The following KLHL8 variants were observed in gnomAD, a reference collection of about 807,000 sequenced individuals.
KLHL8 encodes the protein kelch-like protein 8.
In KLHL8, 38 loss-of-function variants were observed where a neutral mutation model predicts 63.5. The ratio of observed to expected loss-of-function variants is 0.60; its 90% CI spans 0.46 to 0.78. The LOEUF (loss-of-function observed/expected upper bound fraction) is 0.78, where lower values mean the gene tolerates loss of function less well. Among genes scored for constraint, KLHL8 ranks in the 30% least tolerant of loss-of-function variants. KLHL8 has a pLI of 0.00. For missense variants in KLHL8, 566 were observed against 752.4 expected (o/e 0.75, Z 2.90); for synonymous variants, 224 against 254.3 (o/e 0.88, Z 1.13).
In KLHL8 at chr4:87,170,581, T is replaced by C. The variant is rs777168344; in HGVS notation, c.1243A>G (p.Ile415Val). The C allele has an allele frequency of 8.1e-6, 13 of 1,613,456 alleles. No homozygotes were observed. Among genetic ancestry groups the C allele is most frequent in the East Asian group, 4.5e-5 (2 of 44,864 alleles). The change falls in exon 7 of 10, where the codon ATT (isoleucine) becomes GTT (valine). Residue 415 changes from isoleucine (I) to valine (V), a missense_variant. Physicochemically the swap from Ile to Val is conservative, Grantham distance 29. Coordinates refer to ENST00000273963, the MANE Select transcript of KLHL8 (RefSeq NM_020803.5). Reference sequence around the variant, plus strand: ...TCATCTAACCCTCCAATTGCATAAATTGGGCCTCCTAAGGAAGCCAAGGCA... The same window carrying C: ...TCATCTAACCCTCCAATTGCATAAACTGGGCCTCCTAAGGAAGCCAAGGCA... ...GIALASLGGP[I>V]YAIGGLDDNT...
chr4:87,169,273 C>G (rs1730543850), intron 8 of KLHL8, among the ~76,000 whole-genome samples: 1 of 152,050 alleles, frequency 6.6e-6, no homozygotes, highest in Admixed American at 6.6e-5. Flanking sequence ...CCACTGCACT[C>G]CAGCCTGGGT....
rs1001085348 is a variant in KLHL8, at chr4:87,186,390, A to G, written c.217-591T>C. 3.3e-5 allele frequency among the ~76,000 whole-genome samples: 5 copies of G among 151,098 alleles called. No homozygotes were observed. In the East Asian group the frequency reaches 9.8e-4, roughly 29 times the overall value. ...TGTAACATACACACAACAAACCATG[A>G]TTTTCTATGTTATATTTCAGGGACA... is the stretch of plus-strand genomic sequence containing the variant. On this transcript the variant is annotated intron_variant, in intron 2 of 9. Transcript: ENST00000273963.
chr4:87,170,980 A>G (rs1045199877), intron 6 of KLHL8, among the ~76,000 whole-genome samples: 2 of 152,220 alleles, frequency 1.3e-5, no homozygotes, highest in Non-Finnish European at 2.9e-5. Flanking sequence ...TCTGCAGCGG[A>G]GGTCAGAAGC....
In KLHL8 at chr4:87,210,699, T is replaced by G. The variant is rs138081224; in HGVS notation, c.-152+9719A>C. 7.9e-4 allele frequency among the ~76,000 whole-genome samples: 121 copies of G among 152,268 alleles called. 3 individuals carry two copies. In the East Asian group the frequency reaches 0.02, roughly 25 times the overall value. The stretch of plus-strand genomic sequence containing the variant: ...ACCCCATGTTCCATAGAGCAAAACC[T>G]GAATGTGTTTAATTTTCCACATACT... On this transcript the variant is annotated intron_variant, in intron 1 of 9. Coordinates refer to ENST00000273963, the MANE Select transcript of KLHL8 (RefSeq NM_020803.5).
chr4:87,207,661 G>A (rs1732192970), intron 1 of KLHL8: 8 of 1,157,966 alleles, frequency 6.9e-6, no homozygotes, highest in South Asian at 2.5e-5. Context: ...TGGCCCCTCT[G>A]GGAAACTGTG....
chr4:87,171,976 C>T (rs961552512), intron 6 of KLHL8, among the ~76,000 whole-genome samples: 6 of 152,204 alleles, frequency 3.9e-5, no homozygotes, highest in African/African-American at 1.2e-4. Flanking sequence ...ATGAAACTCA[C>T]TGCCCACCTC....
intron 1 of KLHL8, among the ~76,000 whole-genome samples, chr4:87,203,350 A>C (rs1379299043): frequency 6.6e-6 from 1 of 152,116 alleles, no homozygotes; most frequent in Non-Finnish European, 1.5e-5. Context: ...ATCCTGGCTA[A>C]CATGATGAAA....
rs139339057 is a variant in KLHL8, at chr4:87,239,999, G to C, written n.57+259C>G. On this transcript the variant is annotated intron_variant and non_coding_transcript_variant, in intron 1 of 1. Transcript: ENST00000506274. ...GGCACTGATGGAATTTTAAATGTTT[G>C]CTCAAAGTCCTAATAATTTACTATC... Among the ~76,000 whole-genome samples the C allele has an allele frequency of 8.6e-4, 131 of 152,170 alleles. No homozygotes were observed. In the East Asian group the frequency reaches 0.022, roughly 25 times the overall value.
At chr4:87,194,966 A>C (rs539490835) in intron 2 of KLHL8, among the ~76,000 whole-genome samples, 2 of 152,350 alleles carry the variant, frequency 1.3e-5, no homozygotes, top group African/African-American at 4.8e-5. Flanking sequence ...CTGTATTCAG[A>C]GTAAGCAAAT....
chr4:87,222,192 G>C (rs899936956), upstream of KLHL8, among the ~76,000 whole-genome samples: 6 of 152,226 alleles, frequency 3.9e-5, no homozygotes, highest in Non-Finnish European at 7.3e-5. Context: ...GAGGAAGAAA[G>C]ACTGAAGTCT....
At chr4:87,210,956 A>C (rs1297236885) in intron 1 of KLHL8, among the ~76,000 whole-genome samples, 1 of 152,106 alleles carries the variant, frequency 6.6e-6, no homozygotes, top group East Asian at 1.9e-4. Context: ...TACCCTATTC[A>C]ATTTTTGGTC....
intron 8 of KLHL8, among the ~76,000 whole-genome samples, chr4:87,168,742 ATAC>A (rs1730510610): frequency 6.7e-6 from 1 of 148,156 alleles, no homozygotes; most frequent in Non-Finnish European, 1.5e-5. Context: ...GTGTGTATAT[ATAC>A]GTGTATATAT....
rs564273180 is a variant in KLHL8, at chr4:87,226,625, T to C, written n.58-5235A>G. On this transcript the variant is annotated intron_variant and non_coding_transcript_variant, in intron 1 of 1. Transcript: ENST00000506274. The stretch of plus-strand genomic sequence containing the variant: ...ATATATATTATTTATATAAATAATA[T>C]ATATTACTTATATAAATAATATATA... 9.7e-5 allele frequency among the ~76,000 whole-genome samples: 9 copies of C among 93,064 alleles called. 2 individuals are homozygous for C. In the South Asian group the frequency reaches 1.9e-3, roughly 19 times the overall value. 61.1% of individuals were successfully genotyped at this position (93,064 alleles called of 152,430 possible).
Position 87,220,528 on chromosome 4 carries a change from C to T in KLHL8, c.-262G>A, listed in dbSNP as rs541753512. ...AACCTCACCAACCCCGCGCGAGCAC[C>T]CGGCGGACGCGCGCTCTCCTGCGCG... On this transcript the variant is annotated 5_prime_UTR_variant, in exon 1 of 10. Coordinates refer to ENST00000273963, the MANE Select transcript of KLHL8 (RefSeq NM_020803.5). 6.6e-6 allele frequency: 1 copy of T among 152,268 alleles called. No individual in the cohort carries two copies. Among genetic ancestry groups the T allele is most frequent in the Admixed American group, 6.5e-5 (1 of 15,282 alleles). 9.4% of individuals were successfully genotyped at this position (152,268 alleles called of 1,614,324 possible).
At chr4:87,202,156 A>G (rs1731944279) in intron 1 of KLHL8, among the ~76,000 whole-genome samples, 1 of 152,176 alleles carries the variant, frequency 6.6e-6, no homozygotes. Context: ...CTTTACTTTC[A>G]GAAACCAGAA....
chr4:87,210,675 C>T (rs1003323554), intron 1 of KLHL8, among the ~76,000 whole-genome samples: 4 of 152,106 alleles, frequency 2.6e-5, no homozygotes, highest in Admixed American at 1.3e-4. Flanking sequence ...GCAAACCCCA[C>T]CCCATGTTCC....
chr4:87,229,417 TC>T (rs1388619378), intron 1 of KLHL8, among the ~76,000 whole-genome samples: 2 of 135,304 alleles, frequency 1.5e-5, no homozygotes, highest in African/African-American at 5.7e-5. Context: ...AATATCTTTT[TC>T]CTTTTTTTTT....
chr4:87,229,350 T>C (rs1391861305), intron 1 of KLHL8, among the ~76,000 whole-genome samples: 2 of 152,008 alleles, frequency 1.3e-5, no homozygotes, highest in African/African-American at 4.8e-5. Flanking sequence ...CCAGCAGCCA[T>C]TTACACATCA....
chr4:87,185,472 T>C lies in KLHL8; in HGVS notation c.544A>G (p.Ile182Val), dbSNP rs1160542239. 6.2e-7 allele frequency: 1 copy of C among 1,614,064 alleles called. No homozygotes were observed. Among genetic ancestry groups the C allele is most frequent in the Non-Finnish European group, 8.5e-7 (1 of 1,180,030 alleles). Reference protein sequence around the residue: ...VRAFAESHNRIDLMDMADQYA... With the variant: ...VRAFAESHNRVDLMDMADQYA... Reference sequence around the variant, plus strand: ...TGATCCGCCATGTCCATTAAGTCTATTCGATTGTGACTTTCTGCAAAGGCT... The same window carrying C: ...TGATCCGCCATGTCCATTAAGTCTACTCGATTGTGACTTTCTGCAAAGGCT... The change falls in exon 3 of 10, where the codon ATA becomes GTA. Residue 182 changes from isoleucine (I) to valine (V), a missense_variant. By Grantham distance (29) the Ile-to-Val change is conservative. Transcript: ENST00000273963.
Sources: gnomAD v4.1 joint callset for allele counts (sites outside exome capture counted in the v4.1 genomes callset) on GRCh38, gnomAD v4.1.1 for gene constraint, MANE v1.5 for transcripts, NCBI Gene and HGNC (gene_info 2026-07-23, HGNC 2026-07-21) for gene names.